The following CDH15 variants were observed in gnomAD, a reference collection of about 807,000 sequenced individuals.
The protein encoded by CDH15 is cadherin 15.
CDH15 carries 73 observed loss-of-function variants against 69.4 expected under a neutral mutation model. The ratio of observed to expected loss-of-function variants is 1.05; its 90% CI spans 0.87 to 1.28. The LOEUF is 1.28. Among genes scored for constraint, CDH15 ranks in the 50% most tolerant of loss-of-function variants. CDH15 has a pLI of 0.00. For synonymous variants in CDH15, 624 were observed against 507.7 expected, an observed-to-expected ratio of 1.23 and a Z score of -3.08; for missense variants, 1,343 against 1,133.6, an observed-to-expected ratio of 1.18 and a Z score of -2.65.
rs2151603966 is a variant in CDH15 at position 89,191,410 on chromosome 16, GC to G, written c.1316del (p.Pro439ArgfsTer38). On this transcript the variant is annotated frameshift_variant, in exon 9 of 14. Transcript: ENST00000289746. LOFTEE classifies it high-confidence loss of function. ...TGRIQTQHVL[S>X]PASPFLKGGW... ...CGGATCCAGACCCAGCACGTGCTCA[GC>G]CCGGCGTCCCCCTTCCTCAAGGGCG... 1 of 1,612,782 alleles carries G rather than the reference GC, an allele frequency of 6.2e-7. No individual in the cohort carries two copies. The highest frequency in any genetic ancestry group is 8.5e-7 in the Non-Finnish European group (1 of 1,179,998).
chr16:89,189,511 G>C (rs1485430631), intron 7 of CDH15, among the ~76,000 whole-genome samples: 1 of 152,232 alleles, frequency 6.6e-6, no homozygotes, highest in Non-Finnish European at 1.5e-5. Context: ...GTGGGGGAGG[G>C]CATGGAGCCC....
At chr16:89,187,904 GA>G (rs1218593594) in intron 6 of CDH15, among the ~76,000 whole-genome samples, 195 bp from the exon 7 acceptor site, 1 of 151,864 alleles carries the variant, frequency 6.6e-6, no homozygotes, top group Non-Finnish European at 1.5e-5. Flanking sequence ...GCACGTGGGG[GA>G]CAGTGACTCA....
Position 89,185,281 on chromosome 16 carries a change from TCGA to T in CDH15, c.615_617del (p.Asp205del). 6.2e-7 allele frequency: 1 copy of T among 1,606,130 alleles called. No individual in the cohort carries two copies. The highest frequency in any genetic ancestry group is 1.7e-5 in the Admixed American group (1 of 59,374). ...CAGGGCAGCCCCGAGCTCTTCAGCA[TCGA>T]CGAGCTCACAGGAGAGATCCGCACA... On this transcript the variant is annotated inframe_deletion, in exon 5 of 14. Transcript: ENST00000289746.
In CDH15 at chr16:89,187,652, C is replaced by T. The variant is rs1303015217; in HGVS notation, c.792+95C>T. On this transcript the variant is annotated intron_variant, in intron 6 of 13. Transcript: ENST00000289746. ...GAAGGCAGCGGGCTTCATGATGGGG[C>T]AGGAGGATGGTGTGCTTTGGAGAAG... is the stretch of plus-strand genomic sequence containing the variant. The T allele has an allele frequency of 5.8e-6, 9 of 1,538,958 alleles. No individual in the cohort carries two copies. In the Admixed American group the frequency reaches 1.5e-4, roughly 26 times the overall value.
intron 5 of CDH15, 185 bp downstream of exon 5, chr16:89,185,518 G>A (rs557160624): frequency 1.4e-4 from 102 of 743,412 alleles, no homozygotes; most frequent in South Asian, 4.4e-4. Flanking sequence ...GACAGGAGCC[G>A]CGCTGGCCCG....
intron 5 of CDH15, chr16:89,185,751 C>T (rs1019090302): frequency 1.4e-5 from 4 of 293,998 alleles, no homozygotes; most frequent in Middle Eastern, 1.2e-3. Context: ...TACACTGTTA[C>T]GTGGTCTTTG....
At chr16:89,176,881 C>T (rs1382446896) in intron 1 of CDH15, among the ~76,000 whole-genome samples, 1 of 152,198 alleles carries the variant, frequency 6.6e-6, no homozygotes, top group Non-Finnish European at 1.5e-5. Context: ...GCACCTCCCA[C>T]CCGTCCCCCT....
At chr16:89,181,335 G>A (rs545115726) in intron 3 of CDH15, among the ~76,000 whole-genome samples, 59 of 152,302 alleles carry the variant, frequency 3.9e-4, no homozygotes, top group Admixed American at 1.2e-3. Flanking sequence ...GGCAGTGAGC[G>A]CCGGGCGCGG....
intron 11 of CDH15, 45 bp downstream of exon 11, chr16:89,192,489 C>T (rs1915674441): frequency 1.3e-6 from 2 of 1,553,216 alleles, no homozygotes; most frequent in Non-Finnish European, 1.7e-6. Flanking sequence ...GACCCTCGGA[C>T]CCTCCTCCCC....
chr16:89,193,490 C>T lies in CDH15; in HGVS notation c.1876C>T (p.Leu626Phe), dbSNP rs78261372. The part of the protein sequence containing the change: ...LLLVLVLLVA[L>F]RARFWKQSRG... The stretch of plus-strand genomic sequence containing the variant: ...CCCAGTGCTGGTCCTGCTCGTGGCA[C>T]TCCGGGCGCGGTTCTGGAAGCAGTC... The change falls in exon 12 of 14, where the codon CTC (leucine) becomes TTC (phenylalanine). Residue 626 changes from leucine to phenylalanine, a missense_variant. Leu to Phe is a conservative substitution (Grantham distance 22). Transcript: ENST00000289746. 1,515 of 1,611,684 alleles carry T rather than the reference C, an allele frequency of 9.4e-4. 14 individuals carry two copies. The African/African-American group carries it at 0.018, about 19-fold the overall frequency.
intron 4 of CDH15, among the ~76,000 whole-genome samples, chr16:89,184,564 C>T (rs1484400228): frequency 8.5e-5 from 13 of 152,320 alleles, no homozygotes; most frequent in Admixed American, 2.6e-4. Flanking sequence ...GTCCTCTGCT[C>T]GGCTGTCGTG....
rs1273396155 is a variant in CDH15, at chr16:89,171,885, G to A, written c.42+12G>A. The A allele has an allele frequency of 2.6e-6, 4 of 1,552,710 alleles. No homozygotes were observed. Among genetic ancestry groups the A allele is most frequent in the Non-Finnish European group, 2.6e-6 (3 of 1,152,236 alleles). ...GGCTGTTGGCCCAGGTAAGGCATCG[G>A]CACCTGCGGGGGTCCCCGCTGCCTC... On this transcript the variant is annotated intron_variant, in intron 1 of 13. Transcript: ENST00000289746.
rs769128287 is a variant in CDH15 at position 89,183,689 on chromosome 16, C to T, written c.499C>T (p.Pro167Ser). Reference protein sequence around the residue: ...FTGRVLEGAVPGTYVTRAEAT... With the variant: ...FTGRVLEGAVSGTYVTRAEAT... ...TGGCCGCGTGCTGGAGGGTGCAGTC[C>T]CAGGTGAGACAGGACCACAGCCCCG... The change falls in exon 4 of 14, where the codon CCA (proline) becomes TCA (serine). Residue 167 changes from proline (P) to serine (S), a missense_variant. Pro to Ser is a moderately conservative substitution (Grantham distance 74, BLOSUM62 -1). Transcript: ENST00000289746. The T allele has an allele frequency of 2.5e-6, 4 of 1,599,418 alleles. No homozygotes were observed. The South Asian group carries it at 3.4e-5, about 13-fold the overall frequency.
chr16:89,176,502 C>T (rs1915258802), intron 1 of CDH15, among the ~76,000 whole-genome samples: 1 of 152,200 alleles, frequency 6.6e-6, no homozygotes, highest in South Asian at 2.1e-4. Flanking sequence ...TGAGGCCTCC[C>T]ACGCAGGGTC....
chr16:89,185,437 GCCGTCA>G, intron 5 of CDH15, 104 bp downstream of exon 5: 1 of 1,293,896 alleles, frequency 7.7e-7, no homozygotes, highest in East Asian at 2.5e-5. Flanking sequence ...TCCTGTCCCT[GCCGTCA>G]CTGCAGAGCT....
At chr16:89,189,311 C>T (rs1183011764) in intron 7 of CDH15, among the ~76,000 whole-genome samples, 3 of 120,470 alleles carry the variant, frequency 2.5e-5, no homozygotes, top group Non-Finnish European at 5.5e-5. Context: ...ACACAGATGC[C>T]GGCACACACA....
intron 7 of CDH15, 27 bp from the exon 8 acceptor site, chr16:89,190,216 A>G (rs147280876): frequency 8.1e-6 from 13 of 1,608,338 alleles, no homozygotes; most frequent in Admixed American, 1.7e-5. Flanking sequence ...CGTTGGGCGG[A>G]TGACGGGCTG....
intron 10 of CDH15, 132 bp downstream of exon 10, chr16:89,192,026 C>A (rs1225177419): frequency 1.7e-5 from 19 of 1,138,742 alleles, no homozygotes; most frequent in Admixed American, 6.5e-5. Flanking sequence ...CTCCCGCCAC[C>A]CCCCCCACCA....
At chr16:89,190,899 G>C (rs994204936) in intron 8 of CDH15, among the ~76,000 whole-genome samples, 4 of 152,150 alleles carry the variant, frequency 2.6e-5, no homozygotes, top group Non-Finnish European at 5.9e-5. Context: ...CAGCGCCCTG[G>C]ACAGCTCGCC....
Sources: allele counts gnomAD v4.1 joint callset (sites outside exome capture counted in the v4.1 genomes callset), GRCh38; gene constraint gnomAD v4.1.1; transcripts MANE v1.5; gene names NCBI Gene and HGNC (gene_info 2026-07-23, HGNC 2026-07-21).